The following MBNL1 variants were observed in gnomAD, a reference collection of about 807,000 sequenced individuals.
MBNL1 encodes the protein muscleblind like splicing regulator 1.
In MBNL1, 8 loss-of-function variants were observed where a neutral mutation model predicts 42.2. That is an observed-to-expected ratio of 0.19 (90% confidence interval 0.11 to 0.34). The LOEUF (loss-of-function observed/expected upper bound fraction) is 0.34. Among genes scored for constraint, MBNL1 ranks in the 10% least tolerant of loss-of-function variants. The pLI is 1.00. For synonymous variants in MBNL1, 169 were observed against 173.9 expected (o/e 0.97, Z 0.22); for missense variants, 309 against 495.3 (o/e 0.62, Z 3.57).
upstream of MBNL1, chr3:152,265,618 T>C (rs1306592653): frequency 6.6e-6 from 1 of 152,236 alleles, no homozygotes; most frequent in Non-Finnish European, 1.5e-5. Flanking sequence ...GAGCTGACAT[T>C]ATCTATAAAA....
At chr3:152,298,717 A>C (rs1048330698) in intron 1 of MBNL1, among the ~76,000 whole-genome samples, 4 of 152,136 alleles carry the variant, frequency 2.6e-5, no homozygotes, top group African/African-American at 9.7e-5. Context: ...TTTTCAGTGG[A>C]GGGGCAGGAC....
rs1721478667 is a variant in MBNL1 at position 152,450,858 on chromosome 3, G to T, written c.961+3085G>T. Reference sequence around the variant, plus strand: ...TGAAATTTCTCAATATTTAAATTTTGGCAATTCAGTTTTTTAAAAACACCC... The same window carrying T: ...TGAAATTTCTCAATATTTAAATTTTTGCAATTCAGTTTTTTAAAAACACCC... On this transcript the variant is annotated intron_variant, in intron 6 of 9. Coordinates refer to ENST00000324210, the MANE Select transcript of MBNL1 (RefSeq NM_021038.5). Among the ~76,000 whole-genome samples the T allele has an allele frequency of 1.3e-5, 2 of 152,036 alleles. 1 individual carries two copies. The highest frequency in any genetic ancestry group is 4.1e-4 in the South Asian group (2 of 4,826).
intron 2 of MBNL1, among the ~76,000 whole-genome samples, chr3:152,322,695 C>G (rs576204387): frequency 6.6e-6 from 1 of 152,038 alleles, no homozygotes; most frequent in East Asian, 1.9e-4. Context: ...GTTTTCTCCC[C>G]TGCAGCAGTG....
chr3:152,342,892 G>A (rs1264620266), intron 2 of MBNL1, among the ~76,000 whole-genome samples: 2 of 152,022 alleles, frequency 1.3e-5, no homozygotes, highest in Non-Finnish European at 2.9e-5. Flanking sequence ...TCCAATAAAT[G>A]TTGGCTTTTA....
Position 152,420,608 on chromosome 3 carries a change from C to T in MBNL1, c.345+5497C>T, listed in dbSNP as rs544786164. Reference sequence around the variant, plus strand: ...AAGGACGCCCATGCAAAAACCCTATCGAAGGTCACCAACATCAAAGACCAA... The same window carrying T: ...AAGGACGCCCATGCAAAAACCCTATTGAAGGTCACCAACATCAAAGACCAA... On this transcript the variant is annotated intron_variant, in intron 3 of 9. Coordinates refer to ENST00000324210, the MANE Select transcript of MBNL1 (RefSeq NM_021038.5). 2.6e-5 allele frequency among the ~76,000 whole-genome samples: 4 copies of T among 152,242 alleles called. No individual in the cohort carries two copies. The South Asian group carries it at 6.2e-4, about 24-fold the overall frequency.
chr3:152,424,856 A>C (rs1214344734), intron 3 of MBNL1, among the ~76,000 whole-genome samples: 1 of 152,220 alleles, frequency 6.6e-6, no homozygotes, highest in Non-Finnish European at 1.5e-5. Flanking sequence ...TGTTGGGAAA[A>C]CTGGCTAGCC....
intron 2 of MBNL1, among the ~76,000 whole-genome samples, chr3:152,396,632 A>G (rs530537431): frequency 1.3e-5 from 2 of 152,270 alleles, no homozygotes; most frequent in African/African-American, 2.4e-5. Context: ...AGCGCACTTC[A>G]TATTAACATT....
chr3:152,361,096 G>GA (rs1021195776), intron 2 of MBNL1, among the ~76,000 whole-genome samples: 5 of 151,926 alleles, frequency 3.3e-5, no homozygotes, highest in Non-Finnish European at 5.9e-5. Context: ...TGTAAGTGTA[G>GA]AAAAAAACCC....
At chr3:152,367,173 C>G (rs1043000012) in intron 2 of MBNL1, among the ~76,000 whole-genome samples, 2 of 151,878 alleles carry the variant, frequency 1.3e-5, no homozygotes, top group East Asian at 3.9e-4. Flanking sequence ...GCTATCCCTC[C>G]CCTAGCCCCC....
chr3:152,338,848 G>A (rs1264733794), intron 2 of MBNL1, among the ~76,000 whole-genome samples: 1 of 152,130 alleles, frequency 6.6e-6, no homozygotes, highest in Non-Finnish European at 1.5e-5. Flanking sequence ...GGAATTTTGT[G>A]TGAGATTCAC....
At chr3:152,317,503 A>G (rs1356015453) in intron 2 of MBNL1, among the ~76,000 whole-genome samples, 2 of 152,080 alleles carry the variant, frequency 1.3e-5, no homozygotes, top group Middle Eastern at 3.4e-3. Context: ...TATTTTTTGT[A>G]TAGATGAGGT....
chr3:152,416,637 C>T (rs2098706784), intron 3 of MBNL1, among the ~76,000 whole-genome samples: 2 of 152,194 alleles, frequency 1.3e-5, no homozygotes, highest in South Asian at 4.1e-4. Flanking sequence ...GCTGTACCCT[C>T]TCTGTGACTG....
At chr3:152,244,586 T>A (rs1189314937) in intron 2 of MBNL1, 1 of 152,188 alleles carries the variant, frequency 6.6e-6, no homozygotes, top group Non-Finnish European at 1.5e-5. Flanking sequence ...AAATAAAAAG[T>A]TTAATACATT....
At chr3:152,282,272 A>T (rs2048946529) in intron 1 of MBNL1, among the ~76,000 whole-genome samples, 1 of 152,158 alleles carries the variant, frequency 6.6e-6, no homozygotes, top group South Asian at 2.1e-4. Context: ...AACAGTTTTC[A>T]GCTTGTCAGT....
At chr3:152,274,847 A>G (rs16864127) in intron 1 of MBNL1, among the ~76,000 whole-genome samples, 2,407 of 152,274 alleles carry the variant, frequency 0.016, 57 homozygotes, top group African/African-American at 0.055. Flanking sequence ...AAATAGTTAC[A>G]AACTGTTGGT....
At chr3:152,371,795 G>A (rs1014473861) in intron 2 of MBNL1, among the ~76,000 whole-genome samples, 13 of 152,140 alleles carry the variant, frequency 8.5e-5, no homozygotes, top group Middle Eastern at 3.4e-3. Flanking sequence ...TGCTCTTCTC[G>A]AGAAGTATCT....
At chr3:152,337,308 A>T (rs918904872) in intron 2 of MBNL1, among the ~76,000 whole-genome samples, 1 of 152,176 alleles carries the variant, frequency 6.6e-6, no homozygotes, top group African/African-American at 2.4e-5. Flanking sequence ...TGATTAGTCT[A>T]TCTGACAGTG....
chr3:152,389,593 G>A (rs2097591121), intron 2 of MBNL1, among the ~76,000 whole-genome samples: 1 of 152,068 alleles, frequency 6.6e-6, no homozygotes, highest in African/African-American at 2.4e-5. Flanking sequence ...GAATACCAAG[G>A]GCAATTGTAT....
intron 2 of MBNL1, chr3:152,338,162 A>G (rs1560201748): frequency 1.0e-6 from 1 of 985,302 alleles, no homozygotes; most frequent in Non-Finnish European, 1.2e-6. Context: ...TGGCTTATGT[A>G]TGGGATGCTA....
Sources: gnomAD v4.1 joint callset for allele counts (sites outside exome capture counted in the v4.1 genomes callset) on GRCh38, gnomAD v4.1.1 for gene constraint, MANE v1.5 for transcripts, NCBI Gene and HGNC (gene_info 2026-07-23, HGNC 2026-07-21) for gene names.